ALCAM: variants seen among roughly 807,000 people sequenced by gnomAD.
The protein encoded by ALCAM is activated leukocyte cell adhesion molecule.
In ALCAM, 30 loss-of-function variants were observed where a neutral mutation model predicts 70.9. The observed-to-expected ratio is 0.42, with a 90% CI of 0.32 to 0.57. ALCAM has a LOEUF of 0.57. ALCAM is among the 20% of genes least tolerant of loss of function. ALCAM has a pLI of 0.11. For synonymous variants in ALCAM, 249 were observed against 242.5 expected (o/e 1.03, Z -0.25); for missense variants, 591 against 695.1 (o/e 0.85, Z 1.68).
chr3:105,558,856 G>A (rs1940571622), intron 14 of ALCAM, among the ~76,000 whole-genome samples: 1 of 151,962 alleles, frequency 6.6e-6, no homozygotes, highest in South Asian at 2.1e-4. Flanking sequence ...AGCTCTACGA[G>A]GAAATCCTGT....
intron 1 of ALCAM, among the ~76,000 whole-genome samples, chr3:105,424,883 T>C (rs1420907880): frequency 4.0e-5 from 6 of 151,804 alleles, no homozygotes; most frequent in African/African-American, 1.5e-4. Context: ...ACTTGAGAGA[T>C]TGGCCTCCTT....
chr3:105,552,057 T>C lies in ALCAM; in HGVS notation c.1508-87T>C, dbSNP rs541849927. ...AGAATAGACATTTTATCTTTGAGTA[T>C]TATTACATCATACTATAATGGTAAA... On this transcript the variant is annotated intron_variant, in intron 12 of 15. Coordinates refer to ENST00000306107, the MANE Select transcript of ALCAM (RefSeq NM_001627.4). 416 of 915,492 alleles carry C rather than the reference T, an allele frequency of 4.5e-4. 2 individuals are homozygous for C. The African/African-American group carries it at 6.4e-3, about 14-fold the overall frequency. 56.7% of individuals were successfully genotyped at this position (915,492 alleles called of 1,614,324 possible).
At chr3:105,553,814 T>G (rs1940463042) in intron 14 of ALCAM, among the ~76,000 whole-genome samples, 1 of 151,920 alleles carries the variant, frequency 6.6e-6, no homozygotes, top group Non-Finnish European at 1.5e-5. Flanking sequence ...GGTTACATAG[T>G]TTGTAGGGCA....
intron 1 of ALCAM, among the ~76,000 whole-genome samples, chr3:105,375,746 C>T (rs73177465): frequency 0.1 from 15,623 of 152,120 alleles, 1,001 homozygotes; most frequent in Middle Eastern, 0.17. Context: ...AATCACACTA[C>T]CAATTTTTTT....
chr3:105,470,281 A>G (rs1222837525), intron 1 of ALCAM, among the ~76,000 whole-genome samples: 2 of 150,936 alleles, frequency 1.3e-5, no homozygotes, highest in African/African-American at 2.4e-5. Flanking sequence ...ATTGCTACCT[A>G]AAGTCTCAGA....
chr3:105,573,095 C>T (rs945289722), intron 15 of ALCAM, among the ~76,000 whole-genome samples: 2 of 152,088 alleles, frequency 1.3e-5, no homozygotes, highest in Non-Finnish European at 2.9e-5. Flanking sequence ...GAGGCTGAGG[C>T]GGGTGGATCA....
intron 1 of ALCAM, among the ~76,000 whole-genome samples, chr3:105,395,389 AT>A (rs1935924725): frequency 6.6e-6 from 1 of 151,974 alleles, no homozygotes; most frequent in Non-Finnish European, 1.5e-5. Flanking sequence ...AAATAGAGAA[AT>A]TCACAGCAAC....
At chr3:105,520,751 G>A (rs1436685102) in intron 2 of ALCAM, among the ~76,000 whole-genome samples, 1 of 152,102 alleles carries the variant, frequency 6.6e-6, no homozygotes, top group East Asian at 1.9e-4. Flanking sequence ...GAAAATGGAG[G>A]GTAGAGATCC....
At chr3:105,508,393 C>T (rs1247494448) in intron 1 of ALCAM, among the ~76,000 whole-genome samples, 4 of 152,092 alleles carry the variant, frequency 2.6e-5, no homozygotes, top group African/African-American at 4.8e-5. Flanking sequence ...ATTCTCTTGA[C>T]TTTGCAGGGA....
At chr3:105,470,072 T>A (rs773703933) in intron 1 of ALCAM, among the ~76,000 whole-genome samples, 1 of 148,136 alleles carries the variant, frequency 6.8e-6, no homozygotes, top group Non-Finnish European at 1.5e-5. Flanking sequence ...TACCATACCA[T>A]ACACACACAT....
rs749081164 is a variant in ALCAM at position 105,520,154 on chromosome 3, G to C, written c.161G>C (p.Gly54Ala). 2 of 1,610,374 alleles carry C rather than the reference G, an allele frequency of 1.2e-6. No homozygotes were observed. The highest frequency in any genetic ancestry group is 1.7e-6 in the Non-Finnish European group (2 of 1,177,080). The change falls in exon 2 of 16, where the codon GGC (glycine) becomes GCC (alanine). Residue 54 changes from glycine to alanine, a missense_variant. This residue lies in a region of ALCAM where 427 missense variants were observed against 450.4 expected (regional missense o/e 0.95). Transcript: ENST00000306107. ...GACGTACCTCAGAATCTCATGTTTG[G>C]CAAATGGAAATATGTAAGTGTGACC... ...RLDVPQNLMF[G>A]KWKYEKPDGS...
At chr3:105,563,216 A>G (rs1559657964) in intron 14 of ALCAM, among the ~76,000 whole-genome samples, 1 of 151,742 alleles carries the variant, frequency 6.6e-6, no homozygotes, top group African/African-American at 2.4e-5. Context: ...AAAAAAAAAA[A>G]AAGCCGGTAG....
At chr3:105,491,825 G>A (rs1036320462) in intron 1 of ALCAM, among the ~76,000 whole-genome samples, 2 of 152,176 alleles carry the variant, frequency 1.3e-5, no homozygotes, top group African/African-American at 4.8e-5. Flanking sequence ...CAAGTCTCTA[G>A]TAAGTTCCAA....
chr3:105,375,032 C>T (rs549259900), intron 1 of ALCAM, among the ~76,000 whole-genome samples: 1 of 152,294 alleles, frequency 6.6e-6, no homozygotes, highest in South Asian at 2.1e-4. Flanking sequence ...ACACATTGAA[C>T]CCTTCCAAAT....
At chr3:105,384,805 A>G (rs1371916686) in intron 1 of ALCAM, among the ~76,000 whole-genome samples, 1 of 151,562 alleles carries the variant, frequency 6.6e-6, no homozygotes, top group Non-Finnish European at 1.5e-5. Flanking sequence ...TAAATTATAA[A>G]TTGTAATCTC....
chr3:105,380,526 A>G (rs750159803), intron 1 of ALCAM, among the ~76,000 whole-genome samples: 3 of 151,840 alleles, frequency 2.0e-5, no homozygotes, highest in Non-Finnish European at 2.9e-5. Flanking sequence ...TCAAAACTAT[A>G]TTTTGATTTA....
chr3:105,476,685 A>T (rs1215423713), intron 1 of ALCAM, among the ~76,000 whole-genome samples: 2 of 152,142 alleles, frequency 1.3e-5, no homozygotes, highest in Non-Finnish European at 2.9e-5. Flanking sequence ...AGTAAGTGGC[A>T]TATCCACCTT....
intron 14 of ALCAM, among the ~76,000 whole-genome samples, chr3:105,566,940 C>T (rs1432834831): frequency 6.6e-6 from 1 of 152,084 alleles, no homozygotes; most frequent in Non-Finnish European, 1.5e-5. Flanking sequence ...TAGGAAAGGT[C>T]TGCTGGTGAT....
At chr3:105,479,020 T>G (rs1044598406) in intron 1 of ALCAM, among the ~76,000 whole-genome samples, 1 of 152,184 alleles carries the variant, frequency 6.6e-6, no homozygotes, top group Non-Finnish European at 1.5e-5. Flanking sequence ...TTAAAAAGAA[T>G]GTATTGTGTC....
Sources: gnomAD v4.1 joint callset for allele counts (sites outside exome capture counted in the v4.1 genomes callset) on GRCh38, gnomAD v4.1.1 for gene constraint, gnomAD v4.1.1 regional missense constraint, MANE v1.5 for transcripts, NCBI Gene and HGNC (gene_info 2026-07-23, HGNC 2026-07-21) for gene names.